The following PCDH15 variants were observed in gnomAD, a reference collection of about 807,000 sequenced individuals.
PCDH15 encodes protocadherin-15.
Under a neutral mutation model 178.5 loss-of-function variants are expected in PCDH15, and 129 were observed. The ratio of observed to expected loss-of-function variants is 0.72; its 90% CI spans 0.63 to 0.84. PCDH15 has a LOEUF of 0.84. Among genes scored for constraint, PCDH15 ranks in the 40% least tolerant of loss-of-function variants. The pLI is 0.00. For missense variants in PCDH15, 2,230 were observed against 2,099.9 expected (o/e 1.06, Z -1.21); for synonymous variants, 800 against 732.0 (o/e 1.09, Z -1.50).
intron 1 of PCDH15, among the ~76,000 whole-genome samples, chr10:55,264,558 A>C (rs1842231769): frequency 6.6e-6 from 1 of 152,098 alleles, no homozygotes; most frequent in Non-Finnish European, 1.5e-5. Flanking sequence ...CGCTTGCTTT[A>C]TCTCTTTATC....
intron 2 of PCDH15, among the ~76,000 whole-genome samples, chr10:54,624,800 G>C (rs932386138): frequency 6.6e-6 from 1 of 152,138 alleles, no homozygotes; most frequent in Non-Finnish European, 1.5e-5. Flanking sequence ...GCATATGAGG[G>C]GTCTAGGTTG....
intron 32 of PCDH15, chr10:53,823,850 C>T: frequency 2.2e-6 from 1 of 450,222 alleles, no homozygotes; most frequent in Middle Eastern, 3.3e-4. Context: ...TGTGGAATAT[C>T]CTGTTCTCCA....
chr10:55,345,060 C>A (rs546415555), intron 2 of PCDH15, among the ~76,000 whole-genome samples: 8 of 151,854 alleles, frequency 5.3e-5, no homozygotes, highest in Non-Finnish European at 1.2e-4. Context: ...TTTAAGAAGT[C>A]TCTTACTATA....
chr10:54,584,155 G>A lies in PCDH15; in HGVS notation c.92-56278C>T, dbSNP rs532796121. ...TAATCCCAAAGCTTTGGGAAGCTGA[G>A]GAGAATGACTTGAGCTCAGGAATTT... On this transcript the variant is annotated intron_variant, in intron 2 of 37. Coordinates refer to ENST00000644397, the MANE Select transcript of PCDH15 (RefSeq NM_001384140.1). Among the ~76,000 whole-genome samples, 3 of 152,160 alleles carry A rather than the reference G, an allele frequency of 2.0e-5. No homozygotes were observed. In the South Asian group the frequency reaches 6.2e-4, roughly 32 times the overall value.
chr10:54,957,198 A>T (rs796470378), intron 2 of PCDH15, among the ~76,000 whole-genome samples: 1 of 151,600 alleles, frequency 6.6e-6, no homozygotes, highest in Non-Finnish European at 1.5e-5. Context: ...ACTTCAAACT[A>T]AAGTATATGA....
chr10:54,140,550 C>A (rs1231278146), intron 14 of PCDH15, among the ~76,000 whole-genome samples: 1 of 151,874 alleles, frequency 6.6e-6, no homozygotes, highest in East Asian at 1.9e-4. Context: ...CTCACTGCAA[C>A]CCCTGCCTCC....
intron 5 of PCDH15, among the ~76,000 whole-genome samples, chr10:54,351,421 C>G (rs1038624017): frequency 6.6e-6 from 1 of 151,990 alleles, no homozygotes; most frequent in Non-Finnish European, 1.5e-5. Flanking sequence ...TCTTTAAAGA[C>G]AGACCATAAT....
At chr10:54,164,807 A>C (rs1204843960) in intron 13 of PCDH15, among the ~76,000 whole-genome samples, 1 of 147,024 alleles carries the variant, frequency 6.8e-6, no homozygotes, top group Non-Finnish European at 1.5e-5. Context: ...TAGAAGTCAT[A>C]AGATATTATA....
Position 54,214,465 on chromosome 10 carries a change from G to A in PCDH15, c.986-417C>T, listed in dbSNP as rs541456131. ...ATTTGTACCAAATAGTGAGATGCTT[G>A]GAAATTAATGTGAACATATTTTGTT... On this transcript the variant is annotated intron_variant, in intron 9 of 37. Coordinates refer to ENST00000644397, the MANE Select transcript of PCDH15 (RefSeq NM_001384140.1). Among the ~76,000 whole-genome samples the A allele has an allele frequency of 7.2e-5, 11 of 152,118 alleles. No homozygotes were observed. In the East Asian group the frequency reaches 2.1e-3, roughly 29 times the overall value.
intron 2 of PCDH15, among the ~76,000 whole-genome samples, chr10:55,003,094 C>A (rs539934478): frequency 1.3e-5 from 2 of 152,138 alleles, no homozygotes; most frequent in South Asian, 4.2e-4. Context: ...TAATGATTAT[C>A]ATTATTATTC....
At chr10:54,130,198 A>G (rs1359033632) in intron 15 of PCDH15, among the ~76,000 whole-genome samples, 1 of 152,160 alleles carries the variant, frequency 6.6e-6, no homozygotes, top group East Asian at 1.9e-4. Context: ...AATTAGCTCT[A>G]TATTGGGTGG....
At position 54,079,357 on chromosome 10, in the gene PCDH15, T is replaced by C. The variant is rs559698181; in HGVS notation, c.2065A>G (p.Thr689Ala). 2 of 1,614,144 alleles carry C rather than the reference T, an allele frequency of 1.2e-6. No individual in the cohort carries two copies. The highest frequency in any genetic ancestry group is 4.5e-5 in the East Asian group (2 of 44,870). ...CCATCTGGCCTGCCATCTGAAGCTG[T>C]GATGATCAGAATGTAGCGATCAGTG... is the stretch of plus-strand genomic sequence containing the variant. ...ESTDRYILII[T>A]ASDGRPDGTS... The change falls in exon 17 of 38, where the codon ACA becomes GCA. Residue 689 changes from threonine to alanine, a missense_variant. Thr to Ala is a moderately conservative substitution (Grantham distance 58, BLOSUM62 0). Transcript: ENST00000644397.
At chr10:53,813,404 C>G (rs527871942) in intron 35 of PCDH15, among the ~76,000 whole-genome samples, 1 of 152,130 alleles carries the variant, frequency 6.6e-6, no homozygotes, top group Non-Finnish European at 1.5e-5. Context: ...GATGTTAAAA[C>G]TAGTATAGTT....
At chr10:54,555,513 C>T (rs1041505827) in intron 2 of PCDH15, among the ~76,000 whole-genome samples, 18 of 151,412 alleles carry the variant, frequency 1.2e-4, no homozygotes, top group African/African-American at 3.2e-4. Context: ...GGGCAGATCA[C>T]GAGCTCAGGA....
chr10:55,187,924 G>C lies in PCDH15; in HGVS notation c.-155-21273C>G, dbSNP rs370707675. The stretch of plus-strand genomic sequence containing the variant: ...TTTTATAATGACTACTTTAATATTA[G>C]TGTTGAAAATATTCTGCAGGCAGTC... On this transcript the variant is annotated intron_variant, in intron 1 of 5. Coordinates refer to the PCDH15 transcript ENST00000458638. Among the ~76,000 whole-genome samples, 99 of 151,952 alleles carry C rather than the reference G, an allele frequency of 6.5e-4. 1 individual carries two copies. The South Asian group carries it at 0.02, about 31-fold the overall frequency.
chr10:54,682,187 AT>A (rs5785089), intron 1 of PCDH15, among the ~76,000 whole-genome samples: 133,004 of 152,050 alleles, frequency 0.87, 58,826 homozygotes, highest in Middle Eastern at 0.94. Context: ...TACTATTTTT[AT>A]TTTTTTTATG....
intron 3 of PCDH15, among the ~76,000 whole-genome samples, chr10:54,475,309 C>T (rs901382984): frequency 1.3e-5 from 2 of 151,850 alleles, no homozygotes; most frequent in African/African-American, 4.8e-5. Flanking sequence ...AAACTTAAAA[C>T]TTTATTTAAG....
chr10:55,228,776 A>G (rs1383607936), intron 1 of PCDH15, among the ~76,000 whole-genome samples: 2 of 151,990 alleles, frequency 1.3e-5, no homozygotes, highest in Admixed American at 6.6e-5. Context: ...AGTAAATTTT[A>G]TTACCAACAT....
At chr10:54,306,009 G>A (rs895921751) in intron 8 of PCDH15, among the ~76,000 whole-genome samples, 1 of 151,898 alleles carries the variant, frequency 6.6e-6, no homozygotes, top group Non-Finnish European at 1.5e-5. Flanking sequence ...ACTTAGATAT[G>A]ATTACTTAAT....
Sources: gnomAD v4.1 joint callset for allele counts (sites outside exome capture counted in the v4.1 genomes callset) on GRCh38, gnomAD v4.1.1 for gene constraint, MANE v1.5 for transcripts, NCBI Gene and HGNC (gene_info 2026-07-23, HGNC 2026-07-21) for gene names.